CCDC122: variants seen among roughly 807,000 people sequenced by gnomAD.
The protein encoded by CCDC122 is coiled-coil domain containing 122.
Under a neutral mutation model 37.0 loss-of-function variants are expected in CCDC122, and 38 were observed. That is an observed-to-expected ratio of 1.03 (90% CI 0.79 to 1.35). CCDC122 has a LOEUF of 1.35. Among genes scored for constraint, CCDC122 ranks in the 40% most tolerant of loss-of-function variants. CCDC122 has a pLI of 0.00. For missense variants in CCDC122, 305 were observed against 310.0 expected (o/e 0.98, Z 0.12); for synonymous variants, 83 against 95.6 (o/e 0.87, Z 0.77).
intron 2 of CCDC122, among the ~76,000 whole-genome samples, chr13:43,874,596 A>T (rs1391181066): frequency 6.6e-6 from 1 of 152,208 alleles, no homozygotes; most frequent in Non-Finnish European, 1.5e-5. Flanking sequence ...TTTAAACCAA[A>T]TATTCATAAA....
At chr13:43,869,217 A>C in intron 3 of CCDC122, 114 bp downstream of exon 3, 1 of 785,376 alleles carries the variant, frequency 1.3e-6, no homozygotes, top group Non-Finnish European at 2.1e-6. Flanking sequence ...AGCTAAATGT[A>C]ACTGCTTCCA....
At chr13:43,821,656 T>C (rs1952993417), downstream of CCDC122, among the ~76,000 whole-genome samples, 1 of 152,074 alleles carries the variant, frequency 6.6e-6, no homozygotes, top group Non-Finnish European at 1.5e-5. Flanking sequence ...ATCTTTTAAG[T>C]GTTCTTCATT....
intron 6 of CCDC122, chr13:43,849,132 G>A (rs2153872090): frequency 1.3e-6 from 1 of 799,236 alleles, no homozygotes; most frequent in East Asian, 1.3e-4. Flanking sequence ...TAACTGAATT[G>A]AGGACAACTT....
At chr13:43,819,869 A>C (rs376560726), downstream of CCDC122, among the ~76,000 whole-genome samples, 21 of 152,268 alleles carry the variant, frequency 1.4e-4, no homozygotes, top group South Asian at 4.3e-3. Context: ...TAAAAATGTG[A>C]TTTCTAAAAA....
In CCDC122 at chr13:43,859,800, C is replaced by T. The variant is rs747692867; in HGVS notation, c.427G>A (p.Glu143Lys). 3 of 1,610,088 alleles carry T rather than the reference C, an allele frequency of 1.9e-6. No homozygotes were observed. In the Admixed American group the frequency reaches 5.1e-5, roughly 27 times the overall value. ...TCAGTCATAAATGACCATTTGCTCT[C>T]TACTTCCCCCAAACTATTTTTATGT... ...KAHKNSLGEV[E>K]SKWSFMTELH... Residue 143 changes from glutamate (E) to lysine (K), a missense_variant, in exon 5 of 7, where the codon GAG (glutamate) becomes AAG (lysine). Coordinates refer to ENST00000444614, the MANE Select transcript of CCDC122 (RefSeq NM_144974.5).
At chr13:43,843,835 T>C (rs1008659204) in intron 6 of CCDC122, among the ~76,000 whole-genome samples, 3 of 144,686 alleles carry the variant, frequency 2.1e-5, no homozygotes, top group East Asian at 2.0e-4. Flanking sequence ...TTTTTTTTTT[T>C]CAAGGAATTT....
intron 6 of CCDC122, among the ~76,000 whole-genome samples, chr13:43,844,923 T>A (rs550765295): frequency 6.6e-6 from 1 of 152,296 alleles, no homozygotes; most frequent in East Asian, 1.9e-4. Context: ...AGTCTAATAA[T>A]TTTTTCCCTT....
At chr13:43,869,149 T>C (rs1037609675) in intron 3 of CCDC122, among the ~76,000 whole-genome samples, 182 bp downstream of exon 3, 1 of 152,028 alleles carries the variant, frequency 6.6e-6, no homozygotes, top group African/African-American at 2.4e-5. Flanking sequence ...GCATTTTCAT[T>C]GTAGGTCTGT....
intron 1 of CCDC122, among the ~76,000 whole-genome samples, chr13:43,875,780 G>C (rs1403138222): frequency 6.6e-6 from 1 of 152,178 alleles, no homozygotes; most frequent in Non-Finnish European, 1.5e-5. Flanking sequence ...CTTCTAGTTA[G>C]CCTGCCTGCA....
In CCDC122 at chr13:43,837,206, A is replaced by C. The variant is rs1287765340; in HGVS notation, c.*74T>G. 2.8e-6 allele frequency: 4 copies of C among 1,431,580 alleles called. No homozygotes were observed. The highest frequency in any genetic ancestry group is 3.8e-6 in the Non-Finnish European group (4 of 1,055,020). 88.7% of individuals were successfully genotyped at this position (1,431,580 alleles called of 1,614,324 possible). ...AGTGGATGCTTGTTATTAAGAATCC[A>C]AAAGATTTTCTTAATGTTCTGTCCA... On this transcript the variant is annotated 3_prime_UTR_variant, in exon 7 of 7. Coordinates refer to ENST00000444614, the MANE Select transcript of CCDC122 (RefSeq NM_144974.5).
chr13:43,833,098 T>C (rs1369318615), downstream of CCDC122, among the ~76,000 whole-genome samples: 2 of 152,190 alleles, frequency 1.3e-5, no homozygotes, highest in African/African-American at 2.4e-5. Context: ...CTGGCTTTAA[T>C]GTGTAAAATA....
intron 1 of CCDC122, 131 bp from the exon 2 acceptor site, chr13:43,875,058 T>C (rs1374774465): frequency 2.0e-5 from 3 of 152,250 alleles, no homozygotes; most frequent in Non-Finnish European, 4.4e-5. Flanking sequence ...GCTGAATGTA[T>C]AGACAGTACT....
At chr13:43,878,009 G>A (rs1451892434) in intron 1 of CCDC122, 1 of 151,980 alleles carries the variant, frequency 6.6e-6, no homozygotes, top group East Asian at 1.9e-4. Flanking sequence ...CATGACACTA[G>A]GACCAGATGG....
chr13:43,871,866 T>A (rs775470939), intron 2 of CCDC122, among the ~76,000 whole-genome samples: 1 of 152,110 alleles, frequency 6.6e-6, no homozygotes, highest in South Asian at 2.1e-4. Flanking sequence ...ATAGACTATA[T>A]AGGCTTTAAC....
intron 6 of CCDC122, among the ~76,000 whole-genome samples, chr13:43,851,645 C>T (rs1407549539): frequency 6.6e-6 from 1 of 152,212 alleles, no homozygotes; most frequent in African/African-American, 2.4e-5. Flanking sequence ...ACTGCTGCTG[C>T]TGGCATGCAC....
downstream of CCDC122, among the ~76,000 whole-genome samples, chr13:43,823,019 T>G (rs1953006799): frequency 6.6e-6 from 1 of 152,138 alleles, no homozygotes; most frequent in Admixed American, 6.5e-5. Context: ...AAGGAGTCTT[T>G]TGCTGTAGTC....
chr13:43,825,522 T>C (rs1953031136), intron 3 of CCDC122, among the ~76,000 whole-genome samples: 2 of 152,056 alleles, frequency 1.3e-5, no homozygotes. Context: ...ATAATCCCAG[T>C]ATTTTGGGAG....
rs114292900 is a variant in CCDC122 at position 43,871,184 on chromosome 13, C to T, written c.-113-1695G>A. ...ATTTTGTATTCCTATGATGCTAAAACGTCACTTTAATCAACTTACTCTTTC... is the reference window on the plus strand; with the variant it reads ...ATTTTGTATTCCTATGATGCTAAAATGTCACTTTAATCAACTTACTCTTTC... On this transcript the variant is annotated intron_variant, in intron 2 of 6. Coordinates refer to ENST00000444614, the MANE Select transcript of CCDC122 (RefSeq NM_144974.5). Among the ~76,000 whole-genome samples the T allele has an allele frequency of 2.3e-3, 343 of 152,238 alleles. 1 individual carries two copies. Among genetic ancestry groups the T allele is most frequent in the African/African-American group, 7.9e-3 (330 of 41,550 alleles).
At chr13:43,857,829 G>C (rs1953971456) in intron 6 of CCDC122, among the ~76,000 whole-genome samples, 1 of 152,148 alleles carries the variant, frequency 6.6e-6, no homozygotes, top group African/African-American at 2.4e-5. Context: ...CTGGAACCCG[G>C]GAGGCCGAGG....
Sources: allele counts gnomAD v4.1 joint callset (sites outside exome capture counted in the v4.1 genomes callset), GRCh38; gene constraint gnomAD v4.1.1; transcripts MANE v1.5; gene names NCBI Gene and HGNC (gene_info 2026-07-23, HGNC 2026-07-21).